SCFD2: variants seen among roughly 807,000 people sequenced by gnomAD.
SCFD2 encodes the protein sec1 family domain-containing protein 2.
SCFD2 carries 54 observed loss-of-function variants against 58.9 expected under a neutral mutation model. The observed-to-expected ratio is 0.92, with a 90% CI of 0.74 to 1.15. The LOEUF (loss-of-function observed/expected upper bound fraction) is 1.15. Among genes scored for constraint, SCFD2 ranks in the 50% most tolerant of loss-of-function variants. The probability of loss-of-function intolerance (pLI) is 0.00; values close to 1 mark genes in which losing one functional copy is unlikely to be tolerated. For synonymous variants in SCFD2, 321 were observed against 335.9 expected, an observed-to-expected ratio of 0.96 and a Z score of 0.49; for missense variants, 805 against 836.6, an observed-to-expected ratio of 0.96 and a Z score of 0.47.
intron 6 of SCFD2, among the ~76,000 whole-genome samples, chr4:52,919,382 T>C (rs1316074057): frequency 1.3e-5 from 2 of 152,220 alleles, no homozygotes; most frequent in East Asian, 3.8e-4. Flanking sequence ...TTTTTTAAAA[T>C]GACAAAACTA....
At chr4:53,105,623 G>C (rs1208798447) in intron 5 of SCFD2, among the ~76,000 whole-genome samples, 1 of 152,218 alleles carries the variant, frequency 6.6e-6, no homozygotes, top group Middle Eastern at 3.2e-3. Context: ...GCAGTAGTCA[G>C]ATTGCCTCTC....
At chr4:53,364,827 A>G (rs1734646725) in intron 1 of SCFD2, among the ~76,000 whole-genome samples, 1 of 152,212 alleles carries the variant, frequency 6.6e-6, no homozygotes, top group Non-Finnish European at 1.5e-5. Context: ...CTGTCAGCAT[A>G]ATCTTGGGCT....
At chr4:53,035,860 G>A (rs1200065274) in intron 5 of SCFD2, among the ~76,000 whole-genome samples, 2 of 152,018 alleles carry the variant, frequency 1.3e-5, no homozygotes, top group Non-Finnish European at 2.9e-5. Flanking sequence ...AAATAGGAAT[G>A]CTTTTACACT....
At chr4:53,155,701 A>G (rs2148922099) in intron 4 of SCFD2, among the ~76,000 whole-genome samples, 1 of 151,864 alleles carries the variant, frequency 6.6e-6, no homozygotes, top group East Asian at 1.9e-4. Flanking sequence ...CTGAATTTAA[A>G]GCCTGCTACT....
chr4:52,922,269 C>A (rs1323124524), intron 5 of SCFD2, among the ~76,000 whole-genome samples: 1 of 152,144 alleles, frequency 6.6e-6, no homozygotes, highest in Non-Finnish European at 1.5e-5. Context: ...CTGAGTTTAA[C>A]AACCATCATC....
chr4:53,332,195 T>C (rs1175888695), intron 2 of SCFD2, among the ~76,000 whole-genome samples: 1 of 150,760 alleles, frequency 6.6e-6, no homozygotes, highest in Non-Finnish European at 1.5e-5. Context: ...CCATTCCTTC[T>C]GAAACTATTC....
chr4:53,089,430 T>C (rs1007091444), intron 5 of SCFD2, among the ~76,000 whole-genome samples: 1 of 152,142 alleles, frequency 6.6e-6, no homozygotes, highest in African/African-American at 2.4e-5. Flanking sequence ...ACAAAATTTC[T>C]TTATGAAAAT....
chr4:53,267,060 A>G (rs1451462550), intron 4 of SCFD2, among the ~76,000 whole-genome samples: 1 of 152,234 alleles, frequency 6.6e-6, no homozygotes, highest in East Asian at 1.9e-4. Context: ...GAAGAAATGC[A>G]GTAACCTATT....
chr4:52,941,666 A>G (rs1720296318), intron 5 of SCFD2, among the ~76,000 whole-genome samples: 1 of 152,250 alleles, frequency 6.6e-6, no homozygotes, highest in African/African-American at 2.4e-5. Flanking sequence ...GAATGGCTCC[A>G]TCTGAAACAG....
At chr4:52,895,885 T>A (rs1248567829) in intron 7 of SCFD2, among the ~76,000 whole-genome samples, 1 of 152,192 alleles carries the variant, frequency 6.6e-6, no homozygotes, top group Non-Finnish European at 1.5e-5. Context: ...CTCACTGTGG[T>A]TTTGATTTGC....
intron 2 of SCFD2, among the ~76,000 whole-genome samples, chr4:53,333,848 T>A (rs1733583270): frequency 7.2e-6 from 1 of 138,552 alleles, no homozygotes; most frequent in South Asian, 2.5e-4. Flanking sequence ...CACAACCTAC[T>A]CATCTGACAA....
intron 6 of SCFD2, among the ~76,000 whole-genome samples, chr4:52,918,312 T>C (rs7658319): frequency 0.088 from 13,363 of 152,182 alleles, 986 homozygotes; most frequent in African/African-American, 0.2. Context: ...CAAATAAATC[T>C]CCTGATCTGT....
intron 4 of SCFD2, among the ~76,000 whole-genome samples, chr4:53,218,914 G>T (rs193283062): frequency 1.5e-4 from 23 of 152,320 alleles, no homozygotes; most frequent in African/African-American, 5.5e-4. Context: ...TCCAGACCCT[G>T]TTTGCCTGGG....
chr4:52,875,398 T>C (rs1718447052), intron 8 of SCFD2, among the ~76,000 whole-genome samples: 1 of 152,062 alleles, frequency 6.6e-6, no homozygotes, highest in Non-Finnish European at 1.5e-5. Context: ...GTATGCACCC[T>C]AGAAGAAGAG....
chr4:53,064,613 T>C (rs1723605708), intron 5 of SCFD2, among the ~76,000 whole-genome samples: 1 of 152,146 alleles, frequency 6.6e-6, no homozygotes, highest in Admixed American at 6.6e-5. Context: ...GAAGAAACAG[T>C]AAGACATAGT....
At chr4:53,216,679 C>T (rs967543012) in intron 4 of SCFD2, among the ~76,000 whole-genome samples, 2 of 152,136 alleles carry the variant, frequency 1.3e-5, no homozygotes, top group Non-Finnish European at 2.9e-5. Flanking sequence ...TATTTCTCGC[C>T]TTCTGCTAGC....
At chr4:52,941,796 G>A (rs991736846) in intron 5 of SCFD2, among the ~76,000 whole-genome samples, 1 of 152,220 alleles carries the variant, frequency 6.6e-6, no homozygotes, top group Non-Finnish European at 1.5e-5. Context: ...GAATACTACA[G>A]GTTGAGTATC....
At chr4:53,238,947 C>T (rs1729789064) in intron 4 of SCFD2, among the ~76,000 whole-genome samples, 1 of 152,112 alleles carries the variant, frequency 6.6e-6, no homozygotes, top group South Asian at 2.1e-4. Context: ...CTCCTCACTT[C>T]CCAGACGGGG....
At chr4:53,342,445 C>G (rs533737831) in intron 2 of SCFD2, among the ~76,000 whole-genome samples, 8 of 152,152 alleles carry the variant, frequency 5.3e-5, no homozygotes, top group Admixed American at 2.0e-4. Flanking sequence ...CAGGAGCACC[C>G]AGATTCATAA....
Sources: allele counts gnomAD v4.1 joint callset (sites outside exome capture counted in the v4.1 genomes callset), GRCh38; gene constraint gnomAD v4.1.1; transcripts MANE v1.5; gene names NCBI Gene and HGNC (gene_info 2026-07-23, HGNC 2026-07-21).